The following KIF13A variants were observed in gnomAD, a reference collection of about 807,000 sequenced individuals.
KIF13A encodes kinesin-like protein KIF13A.
In KIF13A, 79 loss-of-function variants were observed where a neutral mutation model predicts 212.2. The observed-to-expected ratio is 0.37, with a 90% CI of 0.31 to 0.45. The LOEUF is 0.45. KIF13A is among the 20% of genes least tolerant of loss of function. The pLI, the probability that KIF13A is intolerant of heterozygous loss-of-function variation, is 1.00. For synonymous variants in KIF13A, 789 were observed against 808.6 expected (o/e 0.98, Z 0.41); for missense variants, 1,901 against 2,209.0 (o/e 0.86, Z 2.79).
intron 3 of KIF13A, among the ~76,000 whole-genome samples, chr6:17,896,537 G>A (rs1487084536): frequency 6.6e-6 from 1 of 152,124 alleles, no homozygotes; most frequent in Non-Finnish European, 1.5e-5. Context: ...TTGAGTTCAA[G>A]ATGATCTTTA....
intron 2 of KIF13A, among the ~76,000 whole-genome samples, chr6:17,904,768 G>C (rs993799455): frequency 1.3e-5 from 2 of 152,208 alleles, no homozygotes; most frequent in South Asian, 4.1e-4. Context: ...GGTGGCCAAA[G>C]GCCCTGATGT....
chr6:17,805,351 C>T (rs536682865), intron 19 of KIF13A, 124 bp downstream of exon 19: 8 of 853,562 alleles, frequency 9.4e-6, no homozygotes, highest in East Asian at 5.0e-5. Context: ...TAATATCTAA[C>T]GTATCATGAG....
At chr6:17,852,194 T>G (rs1230062030) in intron 6 of KIF13A, among the ~76,000 whole-genome samples, 152 bp from the exon 7 acceptor site, 4 of 152,238 alleles carry the variant, frequency 2.6e-5, no homozygotes, top group Non-Finnish European at 5.9e-5. Context: ...TTATTTGGAT[T>G]AGCAAAACAA....
At chr6:17,818,272 C>T (rs970985828) in intron 16 of KIF13A, among the ~76,000 whole-genome samples, 2 of 152,242 alleles carry the variant, frequency 1.3e-5, no homozygotes, top group East Asian at 1.9e-4. Context: ...ATGCTGTATT[C>T]CCACACATTG....
intron 35 of KIF13A, among the ~76,000 whole-genome samples, chr6:17,774,322 T>C (rs995400177): frequency 1.3e-5 from 2 of 152,116 alleles, no homozygotes; most frequent in Admixed American, 1.3e-4. Context: ...ATCCCCTCTT[T>C]TACCCATTGA....
intron 2 of KIF13A, among the ~76,000 whole-genome samples, chr6:17,935,437 C>T (rs185813507): frequency 7.5e-4 from 114 of 152,200 alleles, no homozygotes; most frequent in African/African-American, 2.5e-3. Context: ...CAGAGAAAAA[C>T]GACACATCCT....
chr6:17,818,606 G>A (rs189714665), intron 16 of KIF13A, among the ~76,000 whole-genome samples: 49 of 152,226 alleles, frequency 3.2e-4, no homozygotes, highest in Middle Eastern at 3.4e-3. Flanking sequence ...TGGCTACATC[G>A]CAAGTAGAGG....
Position 17,914,735 on chromosome 6 carries a change from G to A in KIF13A, c.147-16555C>T, listed in dbSNP as rs545253610. Among the ~76,000 whole-genome samples the A allele has an allele frequency of 1.1e-4, 16 of 152,240 alleles. No homozygotes were observed. The South Asian group carries it at 3.1e-3, about 30-fold the overall frequency. ...CCTCACAGAGCTCCTGCTGCTAATT[G>A]CCATGGCTGCAATTCCCAGTTTGGG... On this transcript the variant is annotated intron_variant, in intron 2 of 38. Coordinates refer to ENST00000259711, the MANE Select transcript of KIF13A (RefSeq NM_022113.6). This position sits in a 1 kb window ranked among gnomAD's most constrained non-coding sequence, Gnocchi z 5.9.
chr6:17,846,234 G>C (rs967569009), intron 9 of KIF13A, among the ~76,000 whole-genome samples: 1 of 151,558 alleles, frequency 6.6e-6, no homozygotes, highest in African/African-American at 2.4e-5. Flanking sequence ...GGGACTACAG[G>C]GGTGAGCCAC....
At chr6:17,965,107 G>C (rs958712392) in intron 2 of KIF13A, among the ~76,000 whole-genome samples, 1 of 152,234 alleles carries the variant, frequency 6.6e-6, no homozygotes, top group South Asian at 2.1e-4. Flanking sequence ...TGAGATTAAG[G>C]CATGAGCCAC....
rs1451315902 is a variant in KIF13A, at chr6:17,777,465, C to T, written c.4093-111G>A. The stretch of plus-strand genomic sequence containing the variant: ...GTGATGCGATCTCTGCTCACTGCAA[C>T]CTCTGCCTCCTGGGTTCAAGCAATT... On this transcript the variant is annotated intron_variant, in intron 33 of 38. Coordinates refer to ENST00000259711, the MANE Select transcript of KIF13A (RefSeq NM_022113.6). The surrounding 1 kb of genome is among the most constrained non-coding windows in gnomAD (Gnocchi z 4.4). 2 of 854,150 alleles carry T rather than the reference C, an allele frequency of 2.3e-6. No homozygotes were observed. The highest frequency in any genetic ancestry group is 3.8e-6 in the Non-Finnish European group (2 of 526,450). The allele number at this position is 854,150 out of a possible 1,614,324, so 52.9% of individuals were successfully genotyped here. A position where few individuals can be genotyped will look rare whatever the true frequency, so the allele number is the denominator to read the frequency against.
rs1765184421 is a variant in KIF13A, at chr6:17,828,759, T to C, written c.1402-389A>G. Among the ~76,000 whole-genome samples the C allele has an allele frequency of 6.6e-6, 1 of 152,192 alleles. No individual in the cohort carries two copies. Among genetic ancestry groups the C allele is most frequent in the Non-Finnish European group, 1.5e-5 (1 of 68,038 alleles). The stretch of plus-strand genomic sequence containing the variant: ...TCTATTTCACCTATTTAGATTTCTT[T>C]TAGGATCATCTGAGTTAACAGTGAA... On this transcript the variant is annotated intron_variant, in intron 13 of 38. Coordinates refer to ENST00000259711, the MANE Select transcript of KIF13A (RefSeq NM_022113.6). The surrounding 1 kb of genome is among the most constrained non-coding windows in gnomAD (Gnocchi z 4.3).
At chr6:17,797,984 G>C (rs770215913) in intron 22 of KIF13A, among the ~76,000 whole-genome samples, 2 of 152,126 alleles carry the variant, frequency 1.3e-5, no homozygotes, top group African/African-American at 4.8e-5. Flanking sequence ...CCAGAAAAAC[G>C]AAGTAGGCAA....
chr6:17,803,952 A>G (rs1187989056), intron 20 of KIF13A, among the ~76,000 whole-genome samples: 1 of 152,190 alleles, frequency 6.6e-6, no homozygotes, highest in Admixed American at 6.5e-5. Flanking sequence ...GGAGATCAAG[A>G]CCATCCTGGC....
intron 25 of KIF13A, among the ~76,000 whole-genome samples, chr6:17,792,892 G>A (rs1253887063): frequency 6.6e-6 from 1 of 152,098 alleles, no homozygotes; most frequent in African/African-American, 2.4e-5. Context: ...AGATTGGCTG[G>A]GCTTACACTC....
intron 4 of KIF13A, among the ~76,000 whole-genome samples, chr6:17,859,694 G>A (rs1768545470): frequency 6.9e-6 from 1 of 144,986 alleles, no homozygotes; most frequent in African/African-American, 2.5e-5. Context: ...GGAGTGCAAT[G>A]GTGCGATCTC....
rs1174967188 is a variant in KIF13A at position 17,825,904 on chromosome 6, A to G, written c.1650T>C (p.Asp550=). The G allele has an allele frequency of 1.9e-6, 3 of 1,613,962 alleles. No homozygotes were observed. The highest frequency in any genetic ancestry group is 2.5e-6 in the Non-Finnish European group (3 of 1,179,878). Residue 550 remains aspartate, a synonymous_variant, in exon 16 of 39, where the codon GAT becomes GAC. Transcript: ENST00000259711. This position sits in a 1 kb window ranked among gnomAD's most constrained non-coding sequence, Gnocchi z 4.5. Reference sequence around the variant, plus strand: ...TTTCTTTTTCAAAGTCTTTCAACCAATCTCGACGTTTCCTCTTAGGTAAGT... The same window carrying G: ...TTTCTTTTTCAAAGTCTTTCAACCAGTCTCGACGTTTCCTCTTAGGTAAGT... ...RINLPKRKRR[D]WLKDFEKETG...
intron 2 of KIF13A, among the ~76,000 whole-genome samples, chr6:17,949,496 G>C (rs969405895): frequency 1.3e-5 from 2 of 151,676 alleles, no homozygotes; most frequent in Non-Finnish European, 2.9e-5. Flanking sequence ...ACTGCATACA[G>C]GGTCTCTAAA....
intron 2 of KIF13A, among the ~76,000 whole-genome samples, chr6:17,952,616 G>A (rs1777961512): frequency 6.6e-6 from 1 of 151,634 alleles, no homozygotes; most frequent in Non-Finnish European, 1.5e-5. Flanking sequence ...ACTCCAGTCT[G>A]GGTGACAGGG....
Sources: gnomAD v4.1 joint callset for allele counts (sites outside exome capture counted in the v4.1 genomes callset) on GRCh38, gnomAD v4.1.1 for gene constraint, Gnocchi (gnomAD v3.1) non-coding constraint, MANE v1.5 for transcripts, NCBI Gene and HGNC (gene_info 2026-07-23, HGNC 2026-07-21) for gene names.